The following EXOC6B variants were observed in gnomAD, a reference collection of about 807,000 sequenced individuals.
The protein encoded by EXOC6B is exocyst complex component 6B, also known as SEC15 homolog B.
Under a neutral mutation model 113.5 loss-of-function variants are expected in EXOC6B, and 54 were observed. The observed-to-expected ratio is 0.48, with a 90% confidence interval of 0.38 to 0.60. The LOEUF is 0.60. EXOC6B is among the 20% of genes least tolerant of loss of function. The probability of loss-of-function intolerance (pLI) is 0.00; values close to 1 mark genes in which losing one functional copy is unlikely to be tolerated. For synonymous variants in EXOC6B, 357 were observed against 339.0 expected, an observed-to-expected ratio of 1.05 and a Z score of -0.58; for missense variants, 797 against 977.5, an observed-to-expected ratio of 0.82 and a Z score of 2.46.
At chr2:72,287,153 G>A (rs948949937) in intron 20 of EXOC6B, among the ~76,000 whole-genome samples, 12 of 152,000 alleles carry the variant, frequency 7.9e-5, no homozygotes, top group East Asian at 3.9e-4. Context: ...AATGTAGGCC[G>A]GGCGCAGTGG....
intron 6 of EXOC6B, among the ~76,000 whole-genome samples, chr2:72,696,539 T>C (rs1000313165): frequency 2.0e-5 from 3 of 152,220 alleles, no homozygotes; most frequent in African/African-American, 7.2e-5. Flanking sequence ...CTGTGGGACT[T>C]GTTTTGGCTA....
chr2:72,594,599 C>T (rs1485382439), intron 6 of EXOC6B, among the ~76,000 whole-genome samples: 1 of 152,122 alleles, frequency 6.6e-6, no homozygotes, highest in Non-Finnish European at 1.5e-5. Flanking sequence ...ACAAACAACC[C>T]AACTTGTTTC....
chr2:72,799,462 C>G (rs927691556), intron 1 of EXOC6B, among the ~76,000 whole-genome samples: 2 of 150,384 alleles, frequency 1.3e-5, no homozygotes, highest in Non-Finnish European at 3.0e-5. Flanking sequence ...CCCAGCTACT[C>G]AGGAGGCTGA....
At chr2:72,649,923 T>C (rs1351956570) in intron 6 of EXOC6B, among the ~76,000 whole-genome samples, 1 of 152,024 alleles carries the variant, frequency 6.6e-6, no homozygotes, top group Non-Finnish European at 1.5e-5. Context: ...AATAAATTAA[T>C]CATAGATATA....
chr2:72,595,279 A>G (rs941377811), intron 6 of EXOC6B, among the ~76,000 whole-genome samples: 6 of 147,264 alleles, frequency 4.1e-5, no homozygotes, highest in African/African-American at 1.5e-4. Flanking sequence ...ATATATAGAT[A>G]TATAGATATA....
At chr2:72,412,968 T>C (rs1694273615) in intron 18 of EXOC6B, among the ~76,000 whole-genome samples, 1 of 151,966 alleles carries the variant, frequency 6.6e-6, no homozygotes, top group Non-Finnish European at 1.5e-5. Context: ...CTTTCTTTCT[T>C]TCTTTCTTGA....
intron 1 of EXOC6B, among the ~76,000 whole-genome samples, chr2:72,778,829 C>T (rs1683864840): frequency 6.6e-6 from 1 of 151,976 alleles, no homozygotes; most frequent in African/African-American, 2.4e-5. Flanking sequence ...TCACCGAGTT[C>T]CAAAATTCGT....
chr2:72,315,020 A>G (rs1198842881), intron 20 of EXOC6B, among the ~76,000 whole-genome samples: 1 of 152,216 alleles, frequency 6.6e-6, no homozygotes, highest in Non-Finnish European at 1.5e-5. Flanking sequence ...CTTCAGAGAA[A>G]AATGAAGAGG....
chr2:72,716,541 C>T (rs1017862592), intron 6 of EXOC6B, among the ~76,000 whole-genome samples: 3 of 152,030 alleles, frequency 2.0e-5, no homozygotes, highest in African/African-American at 7.2e-5. Flanking sequence ...AATTAAAAGT[C>T]CTGGATTCAC....
chr2:72,637,568 C>T, intron 6 of EXOC6B, among the ~76,000 whole-genome samples: 1 of 152,100 alleles, frequency 6.6e-6, no homozygotes, highest in East Asian at 1.9e-4. Context: ...GTGGGCAGAT[C>T]ACTTGAGGTC....
chr2:72,443,622 T>G (rs1573130814), intron 18 of EXOC6B, among the ~76,000 whole-genome samples: 1 of 152,164 alleles, frequency 6.6e-6, no homozygotes, highest in East Asian at 1.9e-4. Context: ...AGACTTCCAG[T>G]TCCACATGGC....
At chr2:72,771,939 G>A (rs1463653847) in intron 1 of EXOC6B, among the ~76,000 whole-genome samples, 4 of 152,150 alleles carry the variant, frequency 2.6e-5, no homozygotes, top group Non-Finnish European at 5.9e-5. Context: ...CAGCAAGATG[G>A]CAGAATAGGA....
intron 1 of EXOC6B, among the ~76,000 whole-genome samples, chr2:72,813,802 C>G (rs536376513): frequency 6.6e-6 from 1 of 152,220 alleles, no homozygotes; most frequent in South Asian, 2.1e-4. Flanking sequence ...AGAGCTTCCC[C>G]AGGAAGTAGA....
chr2:72,630,631 C>T (rs577601124), intron 6 of EXOC6B, among the ~76,000 whole-genome samples: 1 of 151,980 alleles, frequency 6.6e-6, no homozygotes, highest in Non-Finnish European at 1.5e-5. Flanking sequence ...TATACCCTTC[C>T]ACATGATACA....
At chr2:72,603,150 C>G (rs918997347) in intron 6 of EXOC6B, among the ~76,000 whole-genome samples, 2 of 149,170 alleles carry the variant, frequency 1.3e-5, no homozygotes, top group Non-Finnish European at 3.0e-5. Flanking sequence ...GCCTTTTAAG[C>G]AGTTTCACAT....
At chr2:72,386,974 A>C (rs1692065730) in intron 18 of EXOC6B, among the ~76,000 whole-genome samples, 2 of 152,122 alleles carry the variant, frequency 1.3e-5, no homozygotes, top group Admixed American at 1.3e-4. Flanking sequence ...CTGATTTGAG[A>C]AGTATTCAGT....
chr2:72,536,919 G>A (rs1702323186), intron 8 of EXOC6B, among the ~76,000 whole-genome samples: 1 of 152,152 alleles, frequency 6.6e-6, no homozygotes, highest in South Asian at 2.1e-4. Flanking sequence ...TATCTATGAA[G>A]AGTTAGCACT....
At chr2:72,738,819 T>A (rs1019974116) in intron 2 of EXOC6B, among the ~76,000 whole-genome samples, 3 of 152,004 alleles carry the variant, frequency 2.0e-5, no homozygotes, top group African/African-American at 7.2e-5. Context: ...CTACTAAAAA[T>A]ACAAAAATTG....
intron 10 of EXOC6B, among the ~76,000 whole-genome samples, chr2:72,514,135 T>C (rs1701090825): frequency 6.6e-6 from 1 of 152,128 alleles, no homozygotes; most frequent in Non-Finnish European, 1.5e-5. Context: ...TGCCTGTTTT[T>C]ATAAAGATTG....
Sources: gnomAD v4.1 joint callset for allele counts (sites outside exome capture counted in the v4.1 genomes callset) on GRCh38, gnomAD v4.1.1 for gene constraint, MANE v1.5 for transcripts, NCBI Gene and HGNC (gene_info 2026-07-23, HGNC 2026-07-21) for gene names.